The following PDLIM5 variants were observed in gnomAD, a reference collection of about 807,000 sequenced individuals.
PDLIM5 encodes the protein PDZ and LIM domain 5.
A neutral mutation model predicts 64.2 loss-of-function variants in PDLIM5; 34 were observed. That is an observed-to-expected ratio of 0.53 (90% CI 0.40 to 0.71). The LOEUF (loss-of-function observed/expected upper bound fraction) is 0.71. PDLIM5 is among the 30% of genes least tolerant of loss of function. The pLI, the probability that PDLIM5 is intolerant of heterozygous loss-of-function variation, is 0.00. For missense variants in PDLIM5, 683 were observed against 733.6 expected (o/e 0.93, Z 0.80); for synonymous variants, 253 against 269.1 (o/e 0.94, Z 0.59).
chr4:94,548,877 G>A (rs1014820134), intron 3 of PDLIM5, among the ~76,000 whole-genome samples: 2 of 151,680 alleles, frequency 1.3e-5, no homozygotes, highest in Non-Finnish European at 2.9e-5. Context: ...TTCCTTATAT[G>A]TATAAATAAA....
At chr4:94,587,778 A>T in intron 7 of PDLIM5, 1 of 927,232 alleles carries the variant, frequency 1.1e-6, no homozygotes, top group Non-Finnish European at 1.3e-6. Flanking sequence ...CCTATTTCCT[A>T]TCAAAGGAAA....
chr4:94,469,859 T>C (rs989296095), intron 2 of PDLIM5, among the ~76,000 whole-genome samples: 1 of 152,178 alleles, frequency 6.6e-6, no homozygotes, highest in Non-Finnish European at 1.5e-5. Context: ...CATTTAAATA[T>C]ATGTTTGTCT....
intron 2 of PDLIM5, among the ~76,000 whole-genome samples, chr4:94,518,508 A>C (rs551610632): frequency 6.6e-6 from 1 of 152,342 alleles, no homozygotes; most frequent in African/African-American, 2.4e-5. Context: ...CAAATGCTGG[A>C]ACATTGTATG....
At chr4:94,661,185 T>C (rs1443414316) in intron 11 of PDLIM5, among the ~76,000 whole-genome samples, 1 of 152,120 alleles carries the variant, frequency 6.6e-6, no homozygotes, top group Non-Finnish European at 1.5e-5. Flanking sequence ...GGTCATGAGT[T>C]CAAAACCAGC....
chr4:94,553,600 A>G (rs951941227), intron 3 of PDLIM5, among the ~76,000 whole-genome samples: 2 of 152,210 alleles, frequency 1.3e-5, no homozygotes, highest in African/African-American at 4.8e-5. Context: ...AATTCAATAG[A>G]GAATCCACAG....
chr4:94,473,130 C>T (rs1330795523), intron 2 of PDLIM5, among the ~76,000 whole-genome samples: 1 of 152,074 alleles, frequency 6.6e-6, no homozygotes, highest in East Asian at 1.9e-4. Context: ...GGATAAAGTC[C>T]AGGAATAGTA....
chr4:94,470,814 G>T (rs1045319763), intron 2 of PDLIM5, among the ~76,000 whole-genome samples: 5 of 152,164 alleles, frequency 3.3e-5, no homozygotes, highest in African/African-American at 1.2e-4. Flanking sequence ...CTTCATATTT[G>T]TATTGGTCTG....
chr4:94,529,185 GTT>G (rs1055399419), intron 3 of PDLIM5, among the ~76,000 whole-genome samples: 3 of 152,146 alleles, frequency 2.0e-5, no homozygotes, highest in African/African-American at 7.2e-5. Context: ...CTAGAGCAGC[GTT>G]TTGGAGAGAA....
At chr4:94,549,371 G>A (rs1262989924) in intron 3 of PDLIM5, among the ~76,000 whole-genome samples, 2 of 152,092 alleles carry the variant, frequency 1.3e-5, no homozygotes, top group East Asian at 3.9e-4. Context: ...TCGATAGGAC[G>A]TCTGTAGGGT....
chr4:94,537,927 G>A (rs961912545), intron 3 of PDLIM5, among the ~76,000 whole-genome samples: 1 of 152,032 alleles, frequency 6.6e-6, no homozygotes, highest in Non-Finnish European at 1.5e-5. Context: ...TCTAAAAGTT[G>A]TTTTGCTTTT....
At chr4:94,631,959 C>A (rs984613601) in intron 8 of PDLIM5, among the ~76,000 whole-genome samples, 2 of 152,226 alleles carry the variant, frequency 1.3e-5, no homozygotes, top group African/African-American at 2.4e-5. Flanking sequence ...AGCTTAGATA[C>A]TTCTCCTGAG....
intron 7 of PDLIM5, chr4:94,610,144 C>T: frequency 6.7e-7 from 1 of 1,481,510 alleles, no homozygotes; most frequent in Non-Finnish European, 9.0e-7. Context: ...TCCTGTTTTT[C>T]TTTCCCTACC....
At chr4:94,493,756 A>C (rs952051666) in intron 2 of PDLIM5, among the ~76,000 whole-genome samples, 11 of 152,174 alleles carry the variant, frequency 7.2e-5, no homozygotes, top group Non-Finnish European at 1.6e-4. Context: ...AAATGCCCTC[A>C]AGAAAGATTA....
chr4:94,588,061 G>T (rs1736384654), intron 7 of PDLIM5: 14 of 911,122 alleles, frequency 1.5e-5, no homozygotes, highest in Non-Finnish European at 1.8e-5. Flanking sequence ...ATATATTAGA[G>T]CTAAATTTAG....
chr4:94,492,040 C>CT (rs1726925004), intron 2 of PDLIM5, among the ~76,000 whole-genome samples: 2 of 151,856 alleles, frequency 1.3e-5, no homozygotes, highest in African/African-American at 4.8e-5. Context: ...CAGTAACTCC[C>CT]TATTCCCTCC....
intron 2 of PDLIM5, among the ~76,000 whole-genome samples, chr4:94,463,491 G>C (rs893616653): frequency 2.6e-5 from 4 of 152,110 alleles, no homozygotes; most frequent in Non-Finnish European, 5.9e-5. Context: ...TTCATTAAGT[G>C]GAAGGGAGTC....
chr4:94,462,125 A>G (rs1723945314), intron 2 of PDLIM5, among the ~76,000 whole-genome samples: 2 of 152,174 alleles, frequency 1.3e-5, no homozygotes, highest in Non-Finnish European at 2.9e-5. Flanking sequence ...AGCCTCCCAA[A>G]GTGCTGGGAT....
chr4:94,621,744 A>T (rs931078141), intron 8 of PDLIM5, among the ~76,000 whole-genome samples: 1 of 152,208 alleles, frequency 6.6e-6, no homozygotes, highest in Non-Finnish European at 1.5e-5. Flanking sequence ...TGTGAGAATA[A>T]TCAAAGTAGG....
At chr4:94,632,653 T>C (rs886428767) in intron 8 of PDLIM5, among the ~76,000 whole-genome samples, 2 of 152,184 alleles carry the variant, frequency 1.3e-5, no homozygotes, top group Non-Finnish European at 2.9e-5. Context: ...TTAAGATTGC[T>C]TGTCAATTGA....
Sources: gnomAD v4.1 joint callset for allele counts (sites outside exome capture counted in the v4.1 genomes callset) on GRCh38, gnomAD v4.1.1 for gene constraint, MANE v1.5 for transcripts, NCBI Gene and HGNC (gene_info 2026-07-23, HGNC 2026-07-21) for gene names.